Variants in ACRV1 observed in about 807,000 individuals in gnomAD.
The protein encoded by ACRV1 is acrosomal vesicle protein 1, also known as acrosomal protein SP-10.
A neutral mutation model predicts 29.2 loss-of-function variants in ACRV1; 17 were observed. That is an observed-to-expected ratio of 0.58 (90% CI 0.40 to 0.87). The LOEUF (loss-of-function observed/expected upper bound fraction) is 0.87, where lower values mean the gene tolerates loss of function less well. ACRV1 is among the 40% of genes least tolerant of loss of function. The pLI, the probability that ACRV1 is intolerant of heterozygous loss-of-function variation, is 0.00. For missense variants in ACRV1, 294 were observed against 316.0 expected (o/e 0.93, Z 0.53); for synonymous variants, 98 against 111.6 (o/e 0.88, Z 0.77).
Position 125,677,934 on chromosome 11 carries a change from G to A in ACRV1, c.416C>T (p.Pro139Leu). ...PLSELESGEQPSDEQPSGEHG... is the reference protein window; with the variant it reads ...PLSELESGEQLSDEQPSGEHG... ...TTCACCTGAAGGCTGTTCATCTGAAGGCTGTTCACCTGACTCAAGCTCACT... is the reference window on the plus strand; with the variant it reads ...TTCACCTGAAGGCTGTTCATCTGAAAGCTGTTCACCTGACTCAAGCTCACT... The change falls in exon 2 of 4, where the codon CCT becomes CTT. Residue 139 changes from proline (P) to leucine (L), a missense_variant. Coordinates refer to ENST00000533904, the MANE Select transcript of ACRV1 (RefSeq NM_001612.6). 6.2e-7 allele frequency: 1 copy of A among 1,614,118 alleles called. No individual in the cohort carries two copies.
chr11:125,672,964 A>C (rs981673329), intron 3 of ACRV1, among the ~76,000 whole-genome samples: 7 of 151,992 alleles, frequency 4.6e-5, no homozygotes, highest in African/African-American at 1.5e-4. Context: ...GGTTACCCCA[A>C]ATTTAAAATA....
chr11:125,671,585 C>CT lies in ACRV1; in HGVS notation c.*1007dup, dbSNP rs951107840. 6.6e-6 allele frequency: 1 copy of CT among 152,154 alleles called. No homozygotes were observed. The highest frequency in any genetic ancestry group is 1.5e-5 in the Non-Finnish European group (1 of 68,020). 9.4% of individuals were successfully genotyped at this position (152,154 alleles called of 1,614,324 possible). A position where few individuals can be genotyped will look rare whatever the true frequency, so the allele number is the denominator to read the frequency against. On this transcript the variant is annotated 3_prime_UTR_variant, in exon 4 of 4. Transcript: ENST00000533904. ...ACAGTAAAATTGACTTCTTGTTGTA[C>CT]TGTTCTAAGAGTTCTTAGAACCATT...
chr11:125,672,719 T>C lies in ACRV1; in HGVS notation c.674-2A>G, dbSNP rs1942261367. ...GAACCATGAATTGGAGTTTTCCACC[T>C]GAAAGGAGCAGAGACAGACTAGTGA... On this transcript the variant is annotated splice_acceptor_variant, in intron 3 of 3. Transcript: ENST00000533904. LOFTEE classifies it high-confidence loss of function. The C allele has an allele frequency of 6.2e-7, 1 of 1,614,024 alleles. No individual in the cohort carries two copies. Among genetic ancestry groups the C allele is most frequent in the Non-Finnish European group, 8.5e-7 (1 of 1,180,000 alleles).
At chr11:125,680,588 G>C (rs746966859) in intron 1 of ACRV1, 141 bp downstream of exon 1, 1 of 710,662 alleles carries the variant, frequency 1.4e-6, no homozygotes, top group South Asian at 1.8e-5. Flanking sequence ...GGAGCTCTCC[G>C]AGTTGGACTT....
At chr11:125,674,807 AGGAGAACTATTAAATTCAAACTCTTTT>A (rs1214920994) in intron 3 of ACRV1, among the ~76,000 whole-genome samples, 1 of 152,246 alleles carries the variant, frequency 6.6e-6, no homozygotes, top group Non-Finnish European at 1.5e-5. Flanking sequence ...CAATAAATAA[AGGAGAACTATTAAATTCAAACTCTTTT>A]TAACTGACAC....
chr11:125,676,235 A>C, intron 3 of ACRV1, 124 bp downstream of exon 3: 4 of 1,296,604 alleles, frequency 3.1e-6, no homozygotes, highest in Non-Finnish European at 4.3e-6. Context: ...TCCTTGAAAA[A>C]ATAAAGTTCT....
intron 2 of ACRV1, among the ~76,000 whole-genome samples, chr11:125,676,842 C>G (rs1055501436): frequency 1.3e-5 from 2 of 152,182 alleles, no homozygotes; most frequent in Non-Finnish European, 2.9e-5. Flanking sequence ...CCATCATACT[C>G]TCACCCACAA....
At chr11:125,675,146 T>G (rs144802593) in intron 3 of ACRV1, among the ~76,000 whole-genome samples, 8 of 152,310 alleles carry the variant, frequency 5.3e-5, no homozygotes, top group Non-Finnish European at 8.8e-5. Flanking sequence ...AACATTAGGA[T>G]TTTTTAAAGT....
intron 2 of ACRV1, among the ~76,000 whole-genome samples, chr11:125,677,292 A>G (rs1055379405): frequency 3.3e-5 from 5 of 152,228 alleles, no homozygotes; most frequent in African/African-American, 1.2e-4. Context: ...AGAGCCACAG[A>G]CTAGCAGTTG....
intron 1 of ACRV1, among the ~76,000 whole-genome samples, chr11:125,679,817 G>A (rs777131880): frequency 3.3e-5 from 5 of 152,120 alleles, no homozygotes; most frequent in Non-Finnish European, 7.4e-5. Flanking sequence ...AAATGACTAG[G>A]GTGAGAATAT....
chr11:125,678,213 A>G lies in ACRV1; in HGVS notation c.137T>C (p.Leu46Pro), dbSNP rs145018725. ...AGCCTCAGCATCAGAAGGGTTTTCA[A>G]GTGAAAAGAACTCACCTGGAAGTTG... is the stretch of plus-strand genomic sequence containing the variant. ...VQQLPGEFFS[L>P]ENPSDAEALY... The change falls in exon 2 of 4, where the codon CTT becomes CCT. Residue 46 changes from leucine (L) to proline (P), a missense_variant. Leu to Pro is a moderately conservative substitution (Grantham distance 98, BLOSUM62 -3). Coordinates refer to ENST00000533904, the MANE Select transcript of ACRV1 (RefSeq NM_001612.6). 331 of 1,614,188 alleles carry G rather than the reference A, an allele frequency of 2.1e-4. 1 individual carries two copies. In the African/African-American group the frequency reaches 3.2e-3, roughly 15 times the overall value.
Position 125,680,735 on chromosome 11 carries a change from C to T in ACRV1, c.46G>A (p.Ala16Thr), listed in dbSNP as rs754643463. The T allele has an allele frequency of 6.2e-7, 1 of 1,613,434 alleles. No homozygotes were observed. The highest frequency in any genetic ancestry group is 8.5e-7 in the Non-Finnish European group (1 of 1,179,530). Residue 16 changes from alanine (A) to threonine (T), a missense_variant, in exon 1 of 4, where the codon GCC becomes ACC. Transcript: ENST00000533904. ...GCCTAGATCAAACACTCACCTCTGG[C>T]AGATCCAAGCAGATAAAGACTCATT... is the stretch of plus-strand genomic sequence containing the variant. Reference protein sequence around the residue: ...LLMSLYLLGSARGTSSQPNEL... With the variant: ...LLMSLYLLGSTRGTSSQPNEL...
intron 2 of ACRV1, among the ~76,000 whole-genome samples, chr11:125,677,065 G>A (rs1191049182): frequency 6.6e-6 from 1 of 152,226 alleles, no homozygotes; most frequent in African/African-American, 2.4e-5. Flanking sequence ...GAAGTGGAAA[G>A]ATTATGGGCT....
chr11:125,672,654 G>A lies in ACRV1; in HGVS notation c.737C>T (p.Ser246Phe). The change falls in exon 4 of 4, where the codon TCC becomes TTC. Residue 246 changes from serine (S) to phenylalanine (F), a missense_variant. By Grantham distance (155) the Ser-to-Phe change is radical. Transcript: ENST00000533904. ...ENMCPSMNLF[S>F]HGTRMQIICC... ...TATAATTTGCATCCTCGTTCCATGGGAGAAGAGGTTCATAGATGGGCACAT... is the reference window on the plus strand; with the variant it reads ...TATAATTTGCATCCTCGTTCCATGGAAGAAGAGGTTCATAGATGGGCACAT... 3 of 1,614,160 alleles carry A rather than the reference G, an allele frequency of 1.9e-6. No individual in the cohort carries two copies. The highest frequency in any genetic ancestry group is 2.5e-6 in the Non-Finnish European group (3 of 1,180,014).
At chr11:125,677,677 T>C (rs1340106133) in intron 2 of ACRV1, 120 bp downstream of exon 2, 4 of 1,331,272 alleles carry the variant, frequency 3.0e-6, no homozygotes, top group Non-Finnish European at 4.1e-6. Flanking sequence ...TTGAGAGAGC[T>C]GTTTGTGAAG....
In ACRV1 at chr11:125,676,259, C is replaced by A. The variant is rs1330169295; in HGVS notation, c.673+100G>T. The A allele has an allele frequency of 2.8e-6, 4 of 1,429,544 alleles. No homozygotes were observed. The African/African-American group carries it at 5.7e-5, about 20-fold the overall frequency. 88.6% of individuals were successfully genotyped at this position (1,429,544 alleles called of 1,614,324 possible). A position where few individuals can be genotyped will look rare whatever the true frequency, so the allele number is the denominator to read the frequency against. On this transcript the variant is annotated intron_variant, in intron 3 of 3. Coordinates refer to ENST00000533904, the MANE Select transcript of ACRV1 (RefSeq NM_001612.6). ...AAATAAAGTTCTGAATCTTCAAGTT[C>A]CTTGATTCTTTCCTGGGCCCCTGTC...
In ACRV1 at chr11:125,678,020, T is replaced by TACAGTATG; in HGVS notation, c.322_329dup (p.Gly111IlefsTer3). ...GCTGTTCTCCTGAAGGCTGCTCACC[T>TACAGTATG]ACAGTATGCTCACCTTCAGCATGTT... On this transcript the variant is annotated frameshift_variant, in exon 2 of 4. Transcript: ENST00000533904. LOFTEE classifies it high-confidence loss of function. The TACAGTATG allele has an allele frequency of 1.2e-6, 2 of 1,614,176 alleles. No individual in the cohort carries two copies. Among genetic ancestry groups the TACAGTATG allele is most frequent in the Non-Finnish European group, 1.7e-6 (2 of 1,180,024 alleles).
At chr11:125,679,342 C>T (rs1450599344) in intron 1 of ACRV1, among the ~76,000 whole-genome samples, 6 of 151,384 alleles carry the variant, frequency 4.0e-5, no homozygotes, top group African/African-American at 1.2e-4. Context: ...CTCTGCCTCC[C>T]GAGTAGCTGG....
rs1344477224 is a variant in ACRV1 at position 125,671,954 on chromosome 11, T to A, written c.*639A>T. 1 of 152,236 alleles carries A rather than the reference T, an allele frequency of 6.6e-6. No individual in the cohort carries two copies. Among genetic ancestry groups the A allele is most frequent in the Non-Finnish European group, 1.5e-5 (1 of 68,082 alleles). The allele number at this position is 152,236 out of a possible 1,614,324, so 9.4% of individuals were successfully genotyped here. Reference sequence around the variant, plus strand: ...GTAACATTGTGTGTGAAAAAAATGATTTAAGCATTATGAACTGCTGCAATA... The same window carrying A: ...GTAACATTGTGTGTGAAAAAAATGAATTAAGCATTATGAACTGCTGCAATA... On this transcript the variant is annotated 3_prime_UTR_variant, in exon 4 of 4. Coordinates refer to ENST00000533904, the MANE Select transcript of ACRV1 (RefSeq NM_001612.6).
Sources: allele counts gnomAD v4.1 joint callset (sites outside exome capture counted in the v4.1 genomes callset), GRCh38; gene constraint gnomAD v4.1.1; transcripts MANE v1.5; gene names NCBI Gene and HGNC (gene_info 2026-07-23, HGNC 2026-07-21).